BRME1: variants seen among roughly 807,000 people sequenced by gnomAD.
BRME1 encodes BRCA2 and MEILB2-associating protein 1.
BRME1 carries 31 observed loss-of-function variants against 52.6 expected under a neutral mutation model. That is an observed-to-expected ratio of 0.59 (90% CI 0.44 to 0.80). BRME1 has a LOEUF of 0.80. Among genes scored for constraint, BRME1 ranks in the 30% least tolerant of loss-of-function variants. BRME1 has a pLI of 0.00. For missense variants in BRME1, 804 were observed against 860.3 expected (o/e 0.93, Z 0.82); for synonymous variants, 359 against 353.6 (o/e 1.02, Z -0.17).
chr19:13,900,393 G>GACC (rs1970216656), intron 2 of BRME1, among the ~76,000 whole-genome samples: 1 of 152,136 alleles, frequency 6.6e-6, no homozygotes, highest in Admixed American at 6.6e-5. Context: ...GGCCCCAAGT[G>GACC]ACCTGCTGTG....
chr19:13,891,305 A>G (rs1476386138), intron 5 of BRME1, among the ~76,000 whole-genome samples: 2 of 151,682 alleles, frequency 1.3e-5, no homozygotes, highest in Non-Finnish European at 2.9e-5. Context: ...TCGCGCCACC[A>G]TGCCCGGCTA....
intron 1 of BRME1, among the ~76,000 whole-genome samples, chr19:13,905,402 G>A (rs1451873429): frequency 6.6e-6 from 1 of 152,022 alleles, no homozygotes; most frequent in African/African-American, 2.4e-5. Context: ...CAGCTACTTG[G>A]GAGGCTGAGA....
At position 13,901,697 on chromosome 19, in the gene BRME1, C is replaced by CA. The variant is rs1198719083; in HGVS notation, c.31+3164dup. Among the ~76,000 whole-genome samples, 666 of 82,546 alleles carry CA rather than the reference C, an allele frequency of 8.1e-3. 3 individuals carry two copies. The highest frequency in any genetic ancestry group is 0.022 in the East Asian group (68 of 3,044). The allele number at this position is 82,546 out of a possible 152,430, so 54.2% of individuals were successfully genotyped here. On this transcript the variant is annotated intron_variant, in intron 2 of 8. Coordinates refer to ENST00000586783, the MANE Select transcript of BRME1 (RefSeq NM_001345843.2). ...CTGGGTGACAGAGTGAGACTGTCTC[C>CA]AAAAAAAAAAAAAAGAAAAAAGCTC... is the stretch of plus-strand genomic sequence containing the variant.
intron 5 of BRME1, among the ~76,000 whole-genome samples, chr19:13,891,724 C>T (rs1969516601): frequency 1.3e-5 from 2 of 151,590 alleles, no homozygotes; most frequent in African/African-American, 4.8e-5. Context: ...CTGCCTCGGC[C>T]TCCCAAAGTG....
chr19:13,896,580 C>T (rs900470936), intron 2 of BRME1, among the ~76,000 whole-genome samples: 8 of 146,290 alleles, frequency 5.5e-5, no homozygotes, highest in Non-Finnish European at 9.0e-5. Flanking sequence ...CAGGATTCAG[C>T]CTCAGCCAAA....
rs989914287 is a variant in BRME1 at position 13,883,570 on chromosome 19, A to G, written c.1764-170T>C. 3.4e-6 allele frequency: 2 copies of G among 585,200 alleles called. No homozygotes were observed. The highest frequency in any genetic ancestry group is 3.7e-5 in the African/African-American group (2 of 53,546). The allele number at this position is 585,200 out of a possible 1,614,324, so 36.3% of individuals were successfully genotyped here. On this transcript the variant is annotated intron_variant, in intron 7 of 8. Transcript: ENST00000586783. This position sits in a 1 kb window ranked among gnomAD's most constrained non-coding sequence, Gnocchi z 4.2. The stretch of plus-strand genomic sequence containing the variant: ...GCCAACCCAGCTGGCTCCACTGCCC[A>G]GCAGGCCCAGAACCCAACCGCTTCT...
chr19:13,889,113 C>T (rs770089859), intron 6 of BRME1, 75 bp downstream of exon 6: 204 of 1,382,612 alleles, frequency 1.5e-4, no homozygotes, highest in Non-Finnish European at 2.0e-4. Flanking sequence ...GCCACTGCAC[C>T]GAGTGAGGAG....
In BRME1 at chr19:13,891,135, T is replaced by TTTTTTTTTTTATTATTA. The variant is rs59151567; in HGVS notation, c.394-674_394-673insTAATAATAAAAAAAAAA. ...AGACCACACCAATGTCAATTTCCTG[T>TTTTTTTTTTTATTATTA]TTATTATTATTATTATTATTATTAT... On this transcript the variant is annotated intron_variant, in intron 5 of 8. Transcript: ENST00000586783. Among the ~76,000 whole-genome samples, 631 of 146,656 alleles carry TTTTTTTTTTTATTATTA rather than the reference T, an allele frequency of 4.3e-3. 8 individuals are homozygous for TTTTTTTTTTTATTATTA. The highest frequency in any genetic ancestry group is 0.015 in the African/African-American group (591 of 38,818).
rs774358429 is a variant in BRME1 at position 13,890,039 on chromosome 19, C to G, written c.817G>C (p.Gly273Arg). Reference sequence around the variant, plus strand: ...GCTGGGGTACAGGGGACACCGTCTCCCTCCTCCTGGGGCCCTCCAGGCAGG... The same window carrying G: ...GCTGGGGTACAGGGGACACCGTCTCGCTCCTCCTGGGGCCCTCCAGGCAGG... The part of the protein sequence containing the change: ...AGLPGGPQEE[G>R]DGVPCTPASA... The change falls in exon 6 of 9, where the codon GGA becomes CGA. Residue 273 changes from glycine to arginine, a missense_variant. Gly to Arg is a moderately radical substitution (Grantham distance 125). Transcript: ENST00000586783. 1 of 1,613,464 alleles carries G rather than the reference C, an allele frequency of 6.2e-7. No individual in the cohort carries two copies. The highest frequency in any genetic ancestry group is 8.5e-7 in the Non-Finnish European group (1 of 1,179,800).
rs973551310 is a variant in BRME1 at position 13,889,854 on chromosome 19, G to C, written c.1002C>G (p.Leu334=). Residue 334 remains leucine (L), a synonymous_variant, in exon 6 of 9, where the codon CTC becomes CTG. Transcript: ENST00000586783. ...TCAGGTCTGCGATGACAACCATCCC[G>C]AGGGAGGAGCATCCCAGGCTGCTAT... The part of the protein sequence containing the change: ...GTHSSLGCSS[L]GMVVIADLST... The C allele has an allele frequency of 1.2e-6, 2 of 1,613,132 alleles. No homozygotes were observed. Among genetic ancestry groups the C allele is most frequent in the African/African-American group, 1.3e-5 (1 of 74,940 alleles).
chr19:13,896,374 T>C (rs1040461843), intron 2 of BRME1, among the ~76,000 whole-genome samples: 2 of 147,526 alleles, frequency 1.4e-5, no homozygotes, highest in African/African-American at 4.9e-5. Context: ...ATTTACATAT[T>C]GCATATTTAT....
In BRME1 at chr19:13,888,910, C is replaced by T. The variant is rs1037826221; in HGVS notation, c.1668+278G>A. On this transcript the variant is annotated intron_variant, in intron 6 of 8. Transcript: ENST00000586783. The surrounding 1 kb of genome is among the most constrained non-coding windows in gnomAD (Gnocchi z 4.1). The stretch of plus-strand genomic sequence containing the variant: ...TGCCAGGGGCTGGCACTCCTGGGGA[C>T]TCCAGTTCAATGTGGGGGGCCCGGC... 3.9e-5 allele frequency among the ~76,000 whole-genome samples: 6 copies of T among 152,132 alleles called. No individual in the cohort carries two copies. Among genetic ancestry groups the T allele is most frequent in the African/African-American group, 1.2e-4 (5 of 41,420 alleles).
In BRME1 at chr19:13,892,909, A is replaced by G. The variant is rs1327245056; in HGVS notation, c.289-19T>C. 2 of 1,601,230 alleles carry G rather than the reference A, an allele frequency of 1.2e-6. No homozygotes were observed. The highest frequency in any genetic ancestry group is 2.2e-5 in the East Asian group (1 of 44,832). On this transcript the variant is annotated intron_variant, in intron 4 of 8. Transcript: ENST00000586783. ...ATGAGTTCTGTAAACCGGATACAAG[A>G]ACAAAGCAGCAATAAAGATAAGAGA...
rs988035063 is a variant in BRME1 at position 13,895,400 on chromosome 19, C to T, written c.178G>A (p.Gly60Arg). Residue 60 changes from glycine (G) to arginine (R), a missense_variant, in exon 3 of 9, where the codon GGG (glycine) becomes AGG (arginine). This residue lies in a region of BRME1 where 234 missense variants were observed against 258.1 expected (regional missense o/e 0.91). Transcript: ENST00000586783. The part of the protein sequence containing the change: ...LGPVPSTQQH[G>R]EEPGKAVSSS... ...GAGACGGCCTTTCCTGGTTCCTCCC[C>T]GTGCTGCTGTGTAGAGGGAACAGGT... is the stretch of plus-strand genomic sequence containing the variant. 4.3e-6 allele frequency: 7 copies of T among 1,613,540 alleles called. No homozygotes were observed. The highest frequency in any genetic ancestry group is 4.2e-6 in the Non-Finnish European group (5 of 1,179,964).
chr19:13,895,661 T>C (rs1174631794), intron 2 of BRME1, 115 bp from the exon 3 acceptor site: 4 of 879,474 alleles, frequency 4.5e-6, no homozygotes, highest in African/African-American at 1.7e-5. Context: ...GCCGAATCCA[T>C]TTCACTCTCT....
intron 2 of BRME1, among the ~76,000 whole-genome samples, chr19:13,900,250 T>G (rs1034759350): frequency 6.6e-6 from 1 of 152,080 alleles, no homozygotes; most frequent in African/African-American, 2.4e-5. Context: ...CTAAAGACAT[T>G]GGGAGGGAAA....
At position 13,890,415 on chromosome 19, in the gene BRME1, T is replaced by C. The variant is rs114174140; in HGVS notation, c.441A>G (p.Leu147=). 3,091 of 1,518,036 alleles carry C rather than the reference T, an allele frequency of 2.0e-3. 51 individuals carry two copies. In the African/African-American group the frequency reaches 0.038, roughly 19 times the overall value. 94.0% of individuals were successfully genotyped at this position (1,518,036 alleles called of 1,614,324 possible). A position where few individuals can be genotyped will look rare whatever the true frequency, so the allele number is the denominator to read the frequency against. The change falls in exon 6 of 9, where the codon CTA becomes CTG. Residue 147 remains leucine (L), a synonymous_variant. Transcript: ENST00000586783. ...SSAQSPGCQL[L]VETLGVPLQE... is the part of the protein sequence containing the mutation. ...GGAGGGGGACCCCCAGGGTCTCCAC[T>C]AGCAGCTGGCATCCTGGACTCTGGG...
intron 2 of BRME1, among the ~76,000 whole-genome samples, chr19:13,902,974 G>A (rs34492359): frequency 0.34 from 51,685 of 150,578 alleles, 11,937 homozygotes; most frequent in African/African-American, 0.66. Flanking sequence ...TTAGAGTCCT[G>A]TCCTGTTTTT....
In BRME1 at chr19:13,890,458, G is replaced by A. The variant is rs533574843; in HGVS notation, c.398C>T (p.Thr133Ile). The change falls in exon 6 of 9, where the codon ACA (threonine) becomes ATA (isoleucine). Residue 133 changes from threonine to isoleucine, a missense_variant. Physicochemically the swap from Thr to Ile is moderately conservative, Grantham distance 89. Coordinates refer to ENST00000586783, the MANE Select transcript of BRME1 (RefSeq NM_001345843.2). ...DRGSGAFSLE[T>I]IAESSAQSPG... is the part of the protein sequence containing the mutation. ...ACTCTGGGCGCTGGACTCTGCGATT[G>A]TTTCCTGTGGACAGAAAAAGACTCA... The A allele has an allele frequency of 1.7e-5, 25 of 1,492,124 alleles. No homozygotes were observed. In the African/African-American group the frequency reaches 3.4e-4, roughly 20 times the overall value. The allele number at this position is 1,492,124 out of a possible 1,614,324, so 92.4% of individuals were successfully genotyped here. A position where few individuals can be genotyped will look rare whatever the true frequency, so the allele number is the denominator to read the frequency against.
Sources: allele counts gnomAD v4.1 joint callset (sites outside exome capture counted in the v4.1 genomes callset), GRCh38; gene constraint gnomAD v4.1.1; regional missense constraint gnomAD v4.1.1; non-coding constraint Gnocchi (gnomAD v3.1); transcripts MANE v1.5; gene names NCBI Gene and HGNC (gene_info 2026-07-23, HGNC 2026-07-21).